The following NLGN4X variants were observed in gnomAD, a reference collection of about 807,000 sequenced individuals.
NLGN4X encodes neuroligin 4 X-linked.
In NLGN4X, 3 loss-of-function variants were observed where a neutral mutation model predicts 40.3. The ratio of observed to expected loss-of-function variants is 0.07; its 90% CI spans 0.03 to 0.19. NLGN4X has a LOEUF of 0.19. NLGN4X is among the 10% of genes least tolerant of loss of function. NLGN4X has a pLI of 1.00. For synonymous variants in NLGN4X, 270 were observed against 306.8 expected (o/e 0.88, Z 1.25); for missense variants, 382 against 708.3 (o/e 0.54, Z 5.23).
chrX:6,193,074 T>A (rs1922690519), intron 1 of NLGN4X, among the ~76,000 whole-genome samples: 1 of 111,470 alleles, frequency 9.0e-6, no homozygotes, highest in South Asian at 3.8e-4. Context: ...GACTCGCCAA[T>A]AACTATTCCT....
intron 2 of NLGN4X, among the ~76,000 whole-genome samples, chrX:6,099,156 A>G (rs992624183): frequency 2.7e-5 from 3 of 112,043 alleles, no homozygotes; most frequent in African/African-American, 9.7e-5. Context: ...ATAAGAAACT[A>G]TGTCTTTTTT....
intron 3 of NLGN4X, among the ~76,000 whole-genome samples, chrX:6,027,714 C>T (rs957058087): frequency 1.2e-4 from 13 of 110,311 alleles, no homozygotes; most frequent in African/African-American, 4.3e-4. Context: ...ATATTCTTGG[C>T]CATATTTGAA....
At chrX:5,937,576 C>T (rs12387875) in intron 3 of NLGN4X, among the ~76,000 whole-genome samples, 5,091 of 111,293 alleles carry the variant, frequency 0.046, 299 homozygotes, top group African/African-American at 0.16. Context: ...TCTTTATTTA[C>T]CTTATTTCTT....
In NLGN4X at chrX:6,037,241, G is replaced by A. The variant is rs764919726; in HGVS notation, c.473-7809C>T. Among the ~76,000 whole-genome samples, 144 of 109,458 alleles carry A rather than the reference G, an allele frequency of 1.3e-3. 2 individuals carry two copies. The highest frequency in any genetic ancestry group is 4.7e-3 in the African/African-American group (141 of 30,010). On this transcript the variant is annotated intron_variant, in intron 2 of 5. Coordinates refer to ENST00000381095, the MANE Select transcript of NLGN4X (RefSeq NM_181332.3). Reference sequence around the variant, plus strand: ...GGATCACTTGAGCCTGGGAGGTGGAGGTTGCAGTGAGCTGAGATCGCCCTG... The same window carrying A: ...GGATCACTTGAGCCTGGGAGGTGGAAGTTGCAGTGAGCTGAGATCGCCCTG...
intron 2 of NLGN4X, among the ~76,000 whole-genome samples, chrX:6,049,506 T>A (rs2037422060): frequency 9.1e-6 from 1 of 109,523 alleles, no homozygotes; most frequent in Admixed American, 9.8e-5. Flanking sequence ...TCATCGTCTG[T>A]CTTTGTTCAA....
chrX:5,948,570 A>G (rs1336825351), intron 3 of NLGN4X, among the ~76,000 whole-genome samples: 1 of 111,807 alleles, frequency 8.9e-6, no homozygotes, highest in African/African-American at 3.3e-5. Flanking sequence ...TGAGTCATTC[A>G]AAGAGTTCTC....
rs2039947090 is a variant in NLGN4X, at chrX:6,141,503, T to C, written c.472+9492A>G. ...TCATATTACTCTTATTTTTAATAGC[T>C]GAGGACACTAAATATTTAAAGGTTA... On this transcript the variant is annotated intron_variant, in intron 2 of 5. Transcript: ENST00000381095. 2.7e-5 allele frequency among the ~76,000 whole-genome samples: 3 copies of C among 112,135 alleles called. No homozygotes were observed. The Admixed American group carries it at 2.8e-4, about 11-fold the overall frequency.
At chrX:6,010,979 T>C (rs761174998) in intron 3 of NLGN4X, among the ~76,000 whole-genome samples, 33 of 111,784 alleles carry the variant, frequency 3.0e-4, no homozygotes, top group African/African-American at 1.1e-3. Context: ...CTTCCTATCA[T>C]TGGTATATTC....
chrX:5,991,325 C>T (rs2147098351), intron 3 of NLGN4X: 1 of 427,403 alleles, frequency 2.3e-6, no homozygotes, highest in East Asian at 4.1e-5. Flanking sequence ...CTCCCTTCCC[C>T]CCACAGCATA....
intron 1 of NLGN4X, among the ~76,000 whole-genome samples, chrX:6,178,011 G>A (rs934867140): frequency 8.1e-5 from 9 of 111,079 alleles, no homozygotes; most frequent in African/African-American, 2.7e-4. Context: ...ACCAGACACT[G>A]AATCTGCCAT....
chrX:5,997,615 C>CAT (rs34376573), intron 3 of NLGN4X, among the ~76,000 whole-genome samples: 1,097 of 41,286 alleles, frequency 0.027, 8 homozygotes, highest in Middle Eastern at 0.065. Context: ...TATATATACA[C>CAT]ATATATATAT....
intron 3 of NLGN4X, among the ~76,000 whole-genome samples, chrX:5,950,409 C>T (rs764882413): frequency 3.6e-5 from 4 of 111,972 alleles, no homozygotes; most frequent in African/African-American, 1.3e-4. Flanking sequence ...ATGGTTTCTT[C>T]GGGCACTCTT....
intron 1 of NLGN4X, among the ~76,000 whole-genome samples, chrX:6,180,425 G>A (rs780989132): frequency 7.2e-5 from 8 of 110,433 alleles, no homozygotes; most frequent in African/African-American, 1.3e-4. Context: ...CTCCTGCTCC[G>A]GCCATGTAAG....
chrX:5,912,186 G>A (rs912133418), intron 3 of NLGN4X, among the ~76,000 whole-genome samples: 7 of 111,987 alleles, frequency 6.3e-5, no homozygotes, highest in Non-Finnish European at 1.3e-4. Context: ...CAGGTAATAA[G>A]CATAGTACAG....
chrX:6,215,564 A>G (rs1025592856), intron 1 of NLGN4X, among the ~76,000 whole-genome samples: 1 of 109,606 alleles, frequency 9.1e-6, no homozygotes, highest in Non-Finnish European at 1.9e-5. Context: ...AAAAAAAAAA[A>G]GGATGAGGAT....
At chrX:6,091,058 G>C (rs1384274103) in intron 2 of NLGN4X, among the ~76,000 whole-genome samples, 2 of 100,924 alleles carry the variant, frequency 2.0e-5, no homozygotes, top group Non-Finnish European at 2.0e-5. Flanking sequence ...GGAAGGGAGG[G>C]AGGGAGGGAG....
chrX:6,193,557 T>C (rs762313283), intron 1 of NLGN4X, among the ~76,000 whole-genome samples: 1 of 109,544 alleles, frequency 9.1e-6, no homozygotes, highest in East Asian at 2.9e-4. Flanking sequence ...TCAAAACCAA[T>C]GTGACATTCC....
intron 2 of NLGN4X, among the ~76,000 whole-genome samples, chrX:6,145,568 C>A (rs1263630677): frequency 2.7e-5 from 3 of 112,351 alleles, no homozygotes; most frequent in Non-Finnish European, 5.6e-5. Flanking sequence ...TATCTCTTGA[C>A]TAATGCAGAA....
intron 3 of NLGN4X, among the ~76,000 whole-genome samples, chrX:6,021,065 CCTCCCTCCCTCCCTCT>C (rs2036534990): frequency 5.1e-5 from 1 of 19,780 alleles, no homozygotes; most frequent in Non-Finnish European, 8.3e-5. Context: ...TCCCTCCCTC[CCTCCCTCCCTCCCTCT>C]CTCTCTCTCT....
Sources: allele counts gnomAD v4.1 joint callset (sites outside exome capture counted in the v4.1 genomes callset), GRCh38; gene constraint gnomAD v4.1.1; transcripts MANE v1.5; gene names NCBI Gene and HGNC (gene_info 2026-07-23, HGNC 2026-07-21).